Variants in CENPW observed in about 807,000 individuals in gnomAD.
The protein encoded by CENPW is cancer-up-regulated gene 2 protein.
Under a neutral mutation model 11.1 loss-of-function variants are expected in CENPW, and 3 were observed. The observed-to-expected ratio is 0.27, with a 90% CI of 0.12 to 0.70. CENPW has a LOEUF of 0.70. Among genes scored for constraint, CENPW ranks in the 30% least tolerant of loss-of-function variants. The pLI is 0.77. For missense variants in CENPW, 100 were observed against 105.6 expected, an observed-to-expected ratio of 0.95 and a Z score of 0.23; for synonymous variants, 38 against 42.0, an observed-to-expected ratio of 0.91 and a Z score of 0.37.
the CENPW span, among the ~76,000 whole-genome samples, chr6:126,395,314 A>C: frequency 6.6e-6 from 1 of 152,058 alleles, no homozygotes; most frequent in Non-Finnish European, 1.5e-5. Context: ...GAATTCTGCT[A>C]TTAAGAGACT....
intron 1 of CENPW, among the ~76,000 whole-genome samples, chr6:126,343,821 C>T (rs1309221693): frequency 3.3e-5 from 5 of 152,184 alleles, no homozygotes; most frequent in Admixed American, 3.3e-4. Context: ...TGGGTCTGCC[C>T]AGTCCACTGA....
the CENPW span, among the ~76,000 whole-genome samples, chr6:126,454,835 A>G: frequency 2.6e-5 from 4 of 151,286 alleles, no homozygotes; most frequent in Admixed American, 2.6e-4. Flanking sequence ...AGCTAGACAA[A>G]TAAAAAAAGA....
chr6:126,435,367 G>T, the CENPW span, among the ~76,000 whole-genome samples: 6 of 151,704 alleles, frequency 4.0e-5, no homozygotes, highest in Admixed American at 2.0e-4. Context: ...CATTTATGGT[G>T]ATATTATGCT....
the CENPW span, among the ~76,000 whole-genome samples, chr6:126,404,662 A>G: frequency 2.6e-5 from 4 of 152,012 alleles, no homozygotes; most frequent in Non-Finnish European, 5.9e-5. Context: ...CTGTATCCTC[A>G]CCAAAAGTTT....
the CENPW span, among the ~76,000 whole-genome samples, chr6:126,462,509 TTCTCTCTC>T: frequency 5.7e-5 from 8 of 140,108 alleles, no homozygotes; most frequent in South Asian, 4.8e-4. Context: ...CTTCTTTTCT[TTCTCTCTC>T]TCTCTCTCTC....
the CENPW span, among the ~76,000 whole-genome samples, chr6:126,398,065 T>C: frequency 6.6e-6 from 1 of 152,196 alleles, no homozygotes; most frequent in Non-Finnish European, 1.5e-5. Context: ...TTCCAGTTTT[T>C]CTCAGACAGT....
chr6:126,348,485 G>A lies in CENPW; in HGVS notation c.260G>A (p.Arg87Lys). The A allele has an allele frequency of 7.0e-7, 1 of 1,431,686 alleles. No individual in the cohort carries two copies. The allele number at this position is 1,431,686 out of a possible 1,614,324, so 88.7% of individuals were successfully genotyped here. The change falls in exon 3 of 3, where the codon AGA (arginine) becomes AAA (lysine). Residue 87 changes from arginine to lysine, a missense_variant. Physicochemically the swap from Arg to Lys is conservative, Grantham distance 26 (BLOSUM62 2). Transcript: ENST00000368328. Reference protein sequence around the residue: ...AAAKVILKKSRG With the variant: ...AAAKVILKKSKG ...TTACAGGTAATTCTAAAGAAGAGCA[G>A]AGGTTAGAAGTCAAAGAACATATTC...
At chr6:126,427,577 T>C in the CENPW span, among the ~76,000 whole-genome samples, 1 of 152,198 alleles carries the variant, frequency 6.6e-6, no homozygotes, top group Non-Finnish European at 1.5e-5. Flanking sequence ...AACTCACAAG[T>C]TGCAACTCTT....
At chr6:126,356,603 T>TA in the CENPW span, among the ~76,000 whole-genome samples, 1 of 152,178 alleles carries the variant, frequency 6.6e-6, no homozygotes, top group Non-Finnish European at 1.5e-5. Context: ...CAGCATCTAT[T>TA]ATTTGACTTT....
chr6:126,366,598 A>C, the CENPW span, among the ~76,000 whole-genome samples: 1 of 152,148 alleles, frequency 6.6e-6, no homozygotes, highest in African/African-American at 2.4e-5. Context: ...TTTAAAATAT[A>C]TATCATATAC....
At chr6:126,402,196 C>T in the CENPW span, among the ~76,000 whole-genome samples, 1 of 151,944 alleles carries the variant, frequency 6.6e-6, no homozygotes, top group Non-Finnish European at 1.5e-5. Context: ...AGCAATTATT[C>T]CAGCAAATAT....
the CENPW span, among the ~76,000 whole-genome samples, chr6:126,418,212 A>G: frequency 6.6e-6 from 1 of 152,228 alleles, no homozygotes; most frequent in Non-Finnish European, 1.5e-5. Context: ...TTAAACATAG[A>G]TTTGCCATGT....
chr6:126,349,590 TA>T (rs1473883249), downstream of CENPW, among the ~76,000 whole-genome samples: 1 of 152,122 alleles, frequency 6.6e-6, no homozygotes, highest in Admixed American at 6.6e-5. Flanking sequence ...TTTCACTCAG[TA>T]TATTGTCCTT....
chr6:126,436,950 T>C, the CENPW span, among the ~76,000 whole-genome samples: 8 of 151,918 alleles, frequency 5.3e-5, no homozygotes, highest in East Asian at 1.5e-3. Flanking sequence ...GGAGAGTTAG[T>C]TACATTGGAG....
the CENPW span, among the ~76,000 whole-genome samples, chr6:126,364,198 C>T: frequency 5.9e-5 from 9 of 152,252 alleles, no homozygotes; most frequent in East Asian, 1.9e-4. Flanking sequence ...TGCTATCCTA[C>T]GCCAGTTGAG....
chr6:126,376,982 T>G, the CENPW span, among the ~76,000 whole-genome samples: 1 of 152,200 alleles, frequency 6.6e-6, no homozygotes, highest in Non-Finnish European at 1.5e-5. Context: ...AAAGGTGATA[T>G]TCAACTTTTC....
At chr6:126,385,331 C>T in the CENPW span, among the ~76,000 whole-genome samples, 2 of 151,854 alleles carry the variant, frequency 1.3e-5, no homozygotes, top group African/African-American at 2.4e-5. Context: ...GTGCTATTCA[C>T]AATAGCAAAG....
chr6:126,458,973 A>G, the CENPW span, among the ~76,000 whole-genome samples: 1 of 151,414 alleles, frequency 6.6e-6, no homozygotes, highest in Non-Finnish European at 1.5e-5. Flanking sequence ...CAGTAAAACT[A>G]AGTTCTCTAG....
the CENPW span, among the ~76,000 whole-genome samples, chr6:126,402,768 TTTGAG>T: frequency 6.6e-6 from 1 of 152,128 alleles, no homozygotes; most frequent in Non-Finnish European, 1.5e-5. Context: ...TTGATGAACG[TTTGAG>T]TTGTTTCCTC....
Sources: gnomAD v4.1 joint callset for allele counts (sites outside exome capture counted in the v4.1 genomes callset) on GRCh38, gnomAD v4.1.1 for gene constraint, MANE v1.5 for transcripts, NCBI Gene and HGNC (gene_info 2026-07-23, HGNC 2026-07-21) for gene names.